The following TACC1 variants were observed in gnomAD, a reference collection of about 807,000 sequenced individuals.
TACC1 encodes transforming acidic coiled-coil-containing protein 1.
A neutral mutation model predicts 84.4 loss-of-function variants in TACC1; 48 were observed. The ratio of observed to expected loss-of-function variants is 0.57; its 90% CI spans 0.45 to 0.72. The LOEUF is 0.72. Among genes scored for constraint, TACC1 ranks in the 30% least tolerant of loss-of-function variants. The pLI is 0.00. For synonymous variants in TACC1, 372 were observed against 376.3 expected, an observed-to-expected ratio of 0.99 and a Z score of 0.13; for missense variants, 920 against 973.0, an observed-to-expected ratio of 0.95 and a Z score of 0.72.
At chr8:38,799,743 A>G (rs1820916021) in intron 2 of TACC1, 2 of 152,178 alleles carry the variant, frequency 1.3e-5, no homozygotes, top group South Asian at 4.1e-4. Context: ...CTCTTTCTGT[A>G]AATAGAATTT....
chr8:38,735,157 A>T (rs1052152683), intron 1 of TACC1, among the ~76,000 whole-genome samples: 1 of 152,234 alleles, frequency 6.6e-6, no homozygotes, highest in African/African-American at 2.4e-5. Flanking sequence ...ATCTGCTTTT[A>T]GAATCATGAG....
At position 38,767,309 on chromosome 8, in the gene TACC1, G is replaced by C. The variant is rs559229930; in HGVS notation, c.27-21395G>C. ...CCCTTGAACCTCTTGATGATATTCA[G>C]GCTGTGGCACTTCTGGGCAGATGTG... On this transcript the variant is annotated intron_variant, in intron 3 of 14. Transcript: ENST00000518415. Among the ~76,000 whole-genome samples, 8 of 152,304 alleles carry C rather than the reference G, an allele frequency of 5.3e-5. No homozygotes were observed. The East Asian group carries it at 1.5e-3, about 29-fold the overall frequency.
intron 6 of TACC1, among the ~76,000 whole-genome samples, chr8:38,831,396 A>C (rs942765599): frequency 4.6e-5 from 7 of 152,224 alleles, no homozygotes; most frequent in Admixed American, 3.3e-4. Context: ...GAAAAAGAAG[A>C]AGCATAAATG....
At chr8:38,826,189 G>C (rs753436192) in intron 4 of TACC1, among the ~76,000 whole-genome samples, 1 of 152,108 alleles carries the variant, frequency 6.6e-6, no homozygotes, top group Non-Finnish European at 1.5e-5. Flanking sequence ...GGTGTAAGAT[G>C]TAAAAAAGGG....
In TACC1 at chr8:38,787,260, C is replaced by A. The variant is rs1185346550; in HGVS notation, c.-323C>A. Reference sequence around the variant, plus strand: ...GGAGTCCGCGAGCCGGGAGCGGGAGCAGCAGAGGTCTAGCAGCCGGGCGCC... The same window carrying A: ...GGAGTCCGCGAGCCGGGAGCGGGAGAAGCAGAGGTCTAGCAGCCGGGCGCC... On this transcript the variant is annotated 5_prime_UTR_variant, in exon 1 of 13. Transcript: ENST00000317827. The A allele has an allele frequency of 1.9e-6, 2 of 1,044,850 alleles. No individual in the cohort carries two copies. Among genetic ancestry groups the A allele is most frequent in the South Asian group, 9.0e-5 (2 of 22,248 alleles). The allele number at this position is 1,044,850 out of a possible 1,614,324, so 64.7% of individuals were successfully genotyped here. A position where few individuals can be genotyped will look rare whatever the true frequency, so the allele number is the denominator to read the frequency against.
intron 3 of TACC1, chr8:38,757,545 G>T (rs979173886): frequency 9.1e-7 from 1 of 1,095,292 alleles, no homozygotes; most frequent in African/African-American, 1.7e-5. Flanking sequence ...CGAGCGCTCG[G>T]CAGCGGGGCA....
chr8:38,737,498 G>A (rs1176817627), intron 1 of TACC1, among the ~76,000 whole-genome samples: 2 of 152,122 alleles, frequency 1.3e-5, no homozygotes, highest in African/African-American at 4.8e-5. Flanking sequence ...AGGCAGGGGA[G>A]CAGCAGTGCT....
rs1831440985 is a variant in TACC1 at position 38,842,376 on chromosome 8, G to A, written c.2050G>A (p.Val684Met). ...KEQALADLNS[V>M]ERSLSDLFRR... is the part of the protein sequence containing the mutation. ...ACAGGCCCTGGCTGACCTTAACTCTGTGGAAAGGTCCCTTTCTGATCTCTT... is the reference window on the plus strand; with the variant it reads ...ACAGGCCCTGGCTGACCTTAACTCTATGGAAAGGTCCCTTTCTGATCTCTT... The change falls in exon 10 of 13, where the codon GTG (valine) becomes ATG (methionine). Residue 684 changes from valine (V) to methionine (M), a missense_variant. This residue lies in a region of TACC1 where 158 missense variants were observed against 225.6 expected (regional missense o/e 0.70). Coordinates refer to ENST00000317827, the MANE Select transcript of TACC1 (RefSeq NM_006283.3). 1 of 1,614,232 alleles carries A rather than the reference G, an allele frequency of 6.2e-7. No homozygotes were observed. Among genetic ancestry groups the A allele is most frequent in the Non-Finnish European group, 8.5e-7 (1 of 1,180,042 alleles).
chr8:38,804,649 CT>C (rs1222187990), intron 2 of TACC1, among the ~76,000 whole-genome samples: 1 of 152,120 alleles, frequency 6.6e-6, no homozygotes, highest in East Asian at 1.9e-4. Context: ...TTTTCCCAGC[CT>C]GGAGTGCAGT....
In TACC1 at chr8:38,827,212, G is replaced by T; in HGVS notation, c.1497G>T (p.Arg499Ser). Residue 499 changes from arginine (R) to serine (S), a missense_variant, in exon 5 of 13, where the codon AGG becomes AGT. Around this residue, in one of 2 missense-constraint regions of TACC1, gnomAD observed 762 missense variants for 747.3 expected, o/e 1.02. Transcript: ENST00000317827. The stretch of plus-strand genomic sequence containing the variant: ...CCCAGATTTCAGACATTTCTAATAG[G>T]GATGGCCATGCTACTGATGAGGAGA... ...VISQISDISN[R>S]DGHATDEEKL... The T allele has an allele frequency of 6.2e-7, 1 of 1,614,096 alleles. No individual in the cohort carries two copies. The highest frequency in any genetic ancestry group is 8.5e-7 in the Non-Finnish European group (1 of 1,180,026).
intron 2 of TACC1, among the ~76,000 whole-genome samples, chr8:38,813,700 T>C (rs1332463819): frequency 1.3e-5 from 2 of 152,226 alleles, no homozygotes; most frequent in Non-Finnish European, 2.9e-5. Context: ...TCTGGGCTCC[T>C]TGAAGACATT....
intron 2 of TACC1, among the ~76,000 whole-genome samples, chr8:38,798,671 C>T (rs989202451): frequency 2.7e-5 from 4 of 148,356 alleles, no homozygotes; most frequent in Non-Finnish European, 6.0e-5. Flanking sequence ...GTTGGTGAGA[C>T]AGCTTAAAAC....
chr8:38,841,009 A>T (rs1383467507), intron 9 of TACC1, among the ~76,000 whole-genome samples: 1 of 152,224 alleles, frequency 6.6e-6, no homozygotes, highest in Non-Finnish European at 1.5e-5. Flanking sequence ...AGATCGTGCC[A>T]CTGCACTCCA....
At chr8:38,743,136 A>G (rs1807396949) in intron 2 of TACC1, among the ~76,000 whole-genome samples, 1 of 152,224 alleles carries the variant, frequency 6.6e-6, no homozygotes, top group Admixed American at 6.5e-5. Context: ...AGGCAGTGCC[A>G]AAACAATAAT....
At chr8:38,803,787 G>A (rs1821996355) in intron 2 of TACC1, among the ~76,000 whole-genome samples, 1 of 152,122 alleles carries the variant, frequency 6.6e-6, no homozygotes, top group Admixed American at 6.5e-5. Context: ...ATGATGGAGT[G>A]AGTTGGAAAG....
intron 1 of TACC1, among the ~76,000 whole-genome samples, chr8:38,729,901 T>A (rs1048022437): frequency 6.6e-6 from 1 of 152,098 alleles, no homozygotes; most frequent in South Asian, 2.1e-4. Context: ...AAACATCTTA[T>A]GATCTAAGGA....
At chr8:38,836,353 T>C in intron 7 of TACC1, 66 bp downstream of exon 7, 1 of 1,572,498 alleles carries the variant, frequency 6.4e-7, no homozygotes, top group East Asian at 2.3e-5. Flanking sequence ...TACCAGCAGG[T>C]AGATTGCATC....
chr8:38,792,528 C>T (rs1451749124), intron 2 of TACC1, among the ~76,000 whole-genome samples: 3 of 152,066 alleles, frequency 2.0e-5, no homozygotes, highest in South Asian at 2.1e-4. Flanking sequence ...TGCAGTGGTG[C>T]GATCTCGGCT....
At chr8:38,802,075 A>C (rs1022317339) in intron 2 of TACC1, 5 of 152,174 alleles carry the variant, frequency 3.3e-5, no homozygotes, top group African/African-American at 1.2e-4. Flanking sequence ...ACGACCGGGT[A>C]ATTTTTAAAT....
Sources: gnomAD v4.1 joint callset for allele counts (sites outside exome capture counted in the v4.1 genomes callset) on GRCh38, gnomAD v4.1.1 for gene constraint, gnomAD v4.1.1 regional missense constraint, MANE v1.5 for transcripts, NCBI Gene and HGNC (gene_info 2026-07-23, HGNC 2026-07-21) for gene names.